The following PCDH11X variants were observed in gnomAD, a reference collection of about 807,000 sequenced individuals.
PCDH11X encodes protocadherin 11 X-linked.
PCDH11X carries 18 observed loss-of-function variants against 53.3 expected under a neutral mutation model. That is an observed-to-expected ratio of 0.34 (90% CI 0.23 to 0.50). PCDH11X has a LOEUF of 0.50. Among genes scored for constraint, PCDH11X ranks in the 20% least tolerant of loss-of-function variants. The pLI is 0.98. For synonymous variants in PCDH11X, 279 were observed against 393.3 expected (o/e 0.71, Z 3.44); for missense variants, 570 against 1,032.4 (o/e 0.55, Z 6.14).
intron 1 of PCDH11X, among the ~76,000 whole-genome samples, chrX:91,785,315 C>G (rs1387763766): frequency 1.9e-5 from 2 of 107,837 alleles, no homozygotes; most frequent in African/African-American, 6.8e-5. Context: ...CCTCATCCCA[C>G]ACACAGGATT....
chrX:92,449,118 T>A (rs34587798), intron 9 of PCDH11X, among the ~76,000 whole-genome samples: 1 of 112,070 alleles, frequency 8.9e-6, no homozygotes, highest in Non-Finnish European at 1.9e-5. Context: ...AAAAGATAGA[T>A]CAGCATAGGC....
intron 10 of PCDH11X, among the ~76,000 whole-genome samples, chrX:92,615,340 T>A (rs1927848916): frequency 9.0e-6 from 1 of 111,398 alleles, no homozygotes; most frequent in Admixed American, 9.5e-5. Context: ...GATTTCTGCA[T>A]GGAGGTGGAA....
intron 6 of PCDH11X, among the ~76,000 whole-genome samples, chrX:92,191,735 G>A (rs1287832855): frequency 8.9e-6 from 1 of 112,051 alleles, no homozygotes; most frequent in Non-Finnish European, 1.9e-5. Context: ...TTTTAATTAA[G>A]AGCTTAGTGT....
At chrX:92,491,141 T>G (rs2073757191) in intron 10 of PCDH11X, among the ~76,000 whole-genome samples, 1 of 110,853 alleles carries the variant, frequency 9.0e-6, no homozygotes, top group African/African-American at 3.3e-5. Flanking sequence ...CATATTCATT[T>G]AAAAAATATG....
chrX:92,132,465 G>T (rs1316363476), intron 6 of PCDH11X, among the ~76,000 whole-genome samples: 112 of 102,621 alleles, frequency 1.1e-3, no homozygotes, highest in Admixed American at 2.2e-3. Flanking sequence ...AAAATTAGCT[G>T]GGCGTGGTAG....
intron 6 of PCDH11X, among the ~76,000 whole-genome samples, chrX:92,046,078 G>C (rs1161732196): frequency 8.9e-6 from 1 of 111,825 alleles, no homozygotes; most frequent in Non-Finnish European, 1.9e-5. Context: ...GAGCCAACAA[G>C]TACCCACTTG....
chrX:92,436,080 A>G (rs2072363491), intron 9 of PCDH11X, among the ~76,000 whole-genome samples: 1 of 110,636 alleles, frequency 9.0e-6, no homozygotes, highest in Non-Finnish European at 1.9e-5. Context: ...TGCATTCAAC[A>G]AAGGGCTAAT....
chrX:92,233,822 A>G (rs2067124895), intron 7 of PCDH11X, among the ~76,000 whole-genome samples: 1 of 111,885 alleles, frequency 8.9e-6, no homozygotes, highest in Admixed American at 9.6e-5. Context: ...TTTCAATTAA[A>G]CTTTTAATAT....
intron 7 of PCDH11X, among the ~76,000 whole-genome samples, chrX:92,239,560 C>A (rs1441124655): frequency 9.0e-6 from 1 of 111,400 alleles, no homozygotes; most frequent in Non-Finnish European, 1.9e-5. Flanking sequence ...TTAAAAAGAT[C>A]TTTATTGAAT....
At chrX:92,433,741 T>G (rs2072305249) in intron 9 of PCDH11X, among the ~76,000 whole-genome samples, 1 of 111,770 alleles carries the variant, frequency 8.9e-6, no homozygotes, top group Admixed American at 9.5e-5. Context: ...ATATAATGTA[T>G]GTAAAGCTCC....
intron 6 of PCDH11X, among the ~76,000 whole-genome samples, chrX:92,182,914 C>T (rs1394679359): frequency 1.8e-5 from 2 of 111,648 alleles, no homozygotes; most frequent in Non-Finnish European, 3.8e-5. Context: ...GTATGTCTCA[C>T]AGGTATTTTT....
intron 6 of PCDH11X, among the ~76,000 whole-genome samples, chrX:91,955,838 A>C (rs34418878): frequency 0.095 from 10,452 of 110,563 alleles, 624 homozygotes; most frequent in African/African-American, 0.19. Context: ...TCTTGATGAC[A>C]TGTCTAATAT....
At chrX:92,134,116 C>T (rs1344417334) in intron 6 of PCDH11X, among the ~76,000 whole-genome samples, 2 of 111,188 alleles carry the variant, frequency 1.8e-5, no homozygotes, top group African/African-American at 6.5e-5. Flanking sequence ...CAGGAATAAT[C>T]ATTTATGCCT....
intron 6 of PCDH11X, among the ~76,000 whole-genome samples, chrX:92,094,854 T>C (rs2064109451): frequency 1.8e-5 from 2 of 112,051 alleles, no homozygotes; most frequent in Admixed American, 9.6e-5. Context: ...TAATTTCTAA[T>C]ATCTAGAGGT....
intron 6 of PCDH11X, among the ~76,000 whole-genome samples, chrX:92,061,834 G>C (rs2063527935): frequency 9.0e-6 from 1 of 111,592 alleles, no homozygotes; most frequent in Non-Finnish European, 1.9e-5. Context: ...TTTAAAGATA[G>C]CATTTTCTAA....
intron 10 of PCDH11X, among the ~76,000 whole-genome samples, chrX:92,567,622 T>A (rs1921636522): frequency 9.1e-6 from 1 of 109,473 alleles, no homozygotes; most frequent in South Asian, 4.0e-4. Context: ...CTACATTTTT[T>A]TCTCCTGCCA....
chrX:92,370,130 G>A (rs1337893652), intron 8 of PCDH11X, among the ~76,000 whole-genome samples: 2 of 109,687 alleles, frequency 1.8e-5, no homozygotes, highest in Admixed American at 2.0e-4. Context: ...TTTCTAATGT[G>A]ATTTTTCTTT....
intron 8 of PCDH11X, among the ~76,000 whole-genome samples, chrX:92,278,580 G>C (rs1434863261): frequency 9.0e-6 from 1 of 110,631 alleles, no homozygotes; most frequent in Non-Finnish European, 1.9e-5. Flanking sequence ...GGTGCTCAGT[G>C]GGGGAGCTTC....
At chrX:92,457,602 T>C (rs1474353205) in intron 9 of PCDH11X, among the ~76,000 whole-genome samples, 2 of 108,767 alleles carry the variant, frequency 1.8e-5, no homozygotes, top group East Asian at 5.7e-4. Flanking sequence ...TCTCCTTAAA[T>C]ATTTTATATG....
Sources: allele counts gnomAD v4.1 joint callset (sites outside exome capture counted in the v4.1 genomes callset), GRCh38; gene constraint gnomAD v4.1.1; transcripts MANE v1.5; gene names NCBI Gene and HGNC (gene_info 2026-07-23, HGNC 2026-07-21).